TTC4: variants seen among roughly 807,000 people sequenced by gnomAD.
TTC4 encodes the protein tetratricopeptide repeat domain 4, also known as hsp70/Hsp90 co-chaperone CNS1 homolog.
In TTC4, 36 loss-of-function variants were observed where a neutral mutation model predicts 51.9. The ratio of observed to expected loss-of-function variants is 0.69; its 90% CI spans 0.53 to 0.92. The LOEUF (loss-of-function observed/expected upper bound fraction) is 0.92. TTC4 is among the 40% of genes least tolerant of loss of function. The pLI, the probability that TTC4 is intolerant of heterozygous loss-of-function variation, is 0.00. For synonymous variants in TTC4, 144 were observed against 164.2 expected (o/e 0.88, Z 0.94); for missense variants, 399 against 454.6 (o/e 0.88, Z 1.11).
chr1:54,736,966 A>G (rs974082045), intron 8 of TTC4: 2 of 152,310 alleles, frequency 1.3e-5, no homozygotes, highest in African/African-American at 2.4e-5. Flanking sequence ...TGTAAACTCC[A>G]TATTACTTGT....
chr1:54,717,673 T>G lies in TTC4; in HGVS notation c.391+20T>G, dbSNP rs1237380203. 3 of 1,503,912 alleles carry G rather than the reference T, an allele frequency of 2.0e-6. No homozygotes were observed. Among genetic ancestry groups the G allele is most frequent in the Non-Finnish European group, 1.8e-6 (2 of 1,126,238 alleles). The allele number at this position is 1,503,912 out of a possible 1,614,324, so 93.2% of individuals were successfully genotyped here. A position where few individuals can be genotyped will look rare whatever the true frequency, so the allele number is the denominator to read the frequency against. ...ATCTGGGTAATTTATAAGTGCTTTC[T>G]GAAGAATAAACTTATGATACAAGCC... On this transcript the variant is annotated intron_variant, in intron 3 of 9. Coordinates refer to ENST00000371281, the MANE Select transcript of TTC4 (RefSeq NM_004623.5).
In TTC4 at chr1:54,741,413, A is replaced by G; in HGVS notation, c.1064A>G (p.Tyr355Cys). The change falls in exon 10 of 10, where the codon TAC becomes TGC. Residue 355 changes from tyrosine to cysteine, a missense_variant and splice_region_variant. Physicochemically the swap from Tyr to Cys is radical, Grantham distance 194. This residue lies in a region of TTC4 where 64 missense variants were observed against 61.3 expected (regional missense o/e 1.04). Transcript: ENST00000371281. ...TLLQVLQHQR[Y>C]FVKALTPAFL... is the part of the protein sequence containing the mutation. ...CTCTTTTGTTGTGTTCACGGCAGGT[A>G]CTTTGTAAAAGCCCTGACACCAGCA... The G allele has an allele frequency of 6.2e-7, 1 of 1,613,622 alleles. No homozygotes were observed. Among genetic ancestry groups the G allele is most frequent in the Non-Finnish European group, 8.5e-7 (1 of 1,179,492 alleles).
chr1:54,731,606 C>G lies in TTC4; in HGVS notation c.802C>G (p.Leu268Val). The G allele has an allele frequency of 6.2e-7, 1 of 1,614,114 alleles. No homozygotes were observed. The highest frequency in any genetic ancestry group is 1.1e-5 in the South Asian group (1 of 91,072). Residue 268 changes from leucine to valine, a missense_variant, in exon 7 of 10, where the codon CTA becomes GTA. This residue lies in a region of TTC4 where 316 missense variants were observed against 349.6 expected (regional missense o/e 0.90). Coordinates refer to ENST00000371281, the MANE Select transcript of TTC4 (RefSeq NM_004623.5). ...GAACCCCCATGGAGCCAGGCTGAGT[C>G]TAGATGGCCAGGGCAGGCTGAGCTG... Reference protein sequence around the residue: ...TENPHGARLSLDGQGRLSWPV... With the variant: ...TENPHGARLSVDGQGRLSWPV...
In TTC4 at chr1:54,731,609, G is replaced by A; in HGVS notation, c.805G>A (p.Asp269Asn). The A allele has an allele frequency of 6.2e-7, 1 of 1,614,132 alleles. No individual in the cohort carries two copies. Among genetic ancestry groups the A allele is most frequent in the Non-Finnish European group, 8.5e-7 (1 of 1,180,032 alleles). Residue 269 changes from aspartate (D) to asparagine (N), a missense_variant, in exon 7 of 10, where the codon GAT becomes AAT. By Grantham distance (23) the Asp-to-Asn change is conservative (BLOSUM62 1). Around this residue, in one of 3 missense-constraint regions of TTC4, gnomAD observed 316 missense variants for 349.6 expected, o/e 0.90. Transcript: ENST00000371281. ...CCCCCATGGAGCCAGGCTGAGTCTA[G>A]ATGGCCAGGGCAGGCTGAGCTGGCC... Reference protein sequence around the residue: ...ENPHGARLSLDGQGRLSWPVL... With the variant: ...ENPHGARLSLNGQGRLSWPVL...
rs886743999 is a variant in TTC4, at chr1:54,715,883, C to G, written c.-26C>G. ...GCCGCTCGCTTCACGGCGCTGGGACCCGGGCTGGAAGGCAGGGCATCAGCT... is the reference window on the plus strand; with the variant it reads ...GCCGCTCGCTTCACGGCGCTGGGACGCGGGCTGGAAGGCAGGGCATCAGCT... On this transcript the variant is annotated 5_prime_UTR_variant, in exon 1 of 10. Transcript: ENST00000371281. 7.0e-6 allele frequency: 11 copies of G among 1,570,400 alleles called. No individual in the cohort carries two copies. Among genetic ancestry groups the G allele is most frequent in the African/African-American group, 2.7e-5 (2 of 73,606 alleles).
intron 3 of TTC4, among the ~76,000 whole-genome samples, chr1:54,719,513 A>G (rs1363800020): frequency 7.7e-6 from 1 of 129,100 alleles, no homozygotes; most frequent in African/African-American, 3.3e-5. Context: ...GCCTCCTTTA[A>G]CTAAAAGTCC....
chr1:54,740,092 T>G (rs1190463350), intron 9 of TTC4, among the ~76,000 whole-genome samples: 3 of 152,158 alleles, frequency 2.0e-5, no homozygotes, highest in Non-Finnish European at 2.9e-5. Context: ...GGAAGATTGC[T>G]TGAGCCCAGC....
intron 3 of TTC4, among the ~76,000 whole-genome samples, chr1:54,718,080 T>C (rs2101291666): frequency 6.6e-6 from 1 of 152,272 alleles, no homozygotes; most frequent in East Asian, 1.9e-4. Flanking sequence ...GTGGGACCTT[T>C]GAGTTAAAAA....
chr1:54,717,741 G>T, intron 3 of TTC4, 88 bp downstream of exon 3: 1 of 1,246,766 alleles, frequency 8.0e-7, no homozygotes, highest in South Asian at 2.5e-5. Context: ...AGAGGATGAG[G>T]GGCTGTTATC....
Position 54,731,613 on chromosome 1 carries a change from G to A in TTC4, c.809G>A (p.Gly270Asp), listed in dbSNP as rs1645866665. The change falls in exon 7 of 10, where the codon GGC (glycine) becomes GAC (aspartate). Residue 270 changes from glycine to aspartate, a missense_variant. By Grantham distance (94) the Gly-to-Asp change is moderately conservative. This residue lies in a region of TTC4 where 316 missense variants were observed against 349.6 expected (regional missense o/e 0.90). Coordinates refer to ENST00000371281, the MANE Select transcript of TTC4 (RefSeq NM_004623.5). ...NPHGARLSLD[G>D]QGRLSWPVLF... ...CATGGAGCCAGGCTGAGTCTAGATG[G>A]CCAGGGCAGGCTGAGCTGGCCTGTG... 1 of 1,613,960 alleles carries A rather than the reference G, an allele frequency of 6.2e-7. No homozygotes were observed. The highest frequency in any genetic ancestry group is 1.3e-5 in the African/African-American group (1 of 74,910).
chr1:54,719,467 A>T (rs1645717583), intron 3 of TTC4, among the ~76,000 whole-genome samples: 1 of 152,150 alleles, frequency 6.6e-6, no homozygotes, highest in Non-Finnish European at 1.5e-5. Flanking sequence ...TATGGGAGAG[A>T]GAGTGGGGAT....
At chr1:54,734,451 C>A (rs1328886876) in intron 8 of TTC4, among the ~76,000 whole-genome samples, 8 of 152,130 alleles carry the variant, frequency 5.3e-5, no homozygotes, top group Admixed American at 2.0e-4. Context: ...TGCTGTGGTG[C>A]AATCTCAGAT....
intron 1 of TTC4, 34 bp from the exon 2 acceptor site, chr1:54,716,566 C>G: frequency 6.5e-7 from 1 of 1,537,646 alleles, no homozygotes; most frequent in Non-Finnish European, 8.9e-7. Flanking sequence ...AGTAGAAAAG[C>G]TTATTCATGT....
intron 8 of TTC4, among the ~76,000 whole-genome samples, chr1:54,735,749 G>A (rs866566086): frequency 3.3e-5 from 5 of 152,084 alleles, no homozygotes; most frequent in East Asian, 3.9e-4. Context: ...CCCATTGCTC[G>A]TCAGATATTC....
intron 7 of TTC4, among the ~76,000 whole-genome samples, 159 bp downstream of exon 7, chr1:54,731,859 T>TA (rs550967779): frequency 0.12 from 17,879 of 151,866 alleles, 1,751 homozygotes; most frequent in African/African-American, 0.26. Flanking sequence ...TGTAGCTGAC[T>TA]GAACCTTGAC....
At chr1:54,731,762 G>T in intron 7 of TTC4, 62 bp downstream of exon 7, 1 of 1,524,362 alleles carries the variant, frequency 6.6e-7, no homozygotes, top group East Asian at 2.3e-5. Flanking sequence ...TTTGTGGCAG[G>T]AGGGACGAGT....
chr1:54,736,216 GAGAGAGAAGAGGAGAGGAGAGAGA>G (rs1645935714), intron 8 of TTC4, among the ~76,000 whole-genome samples: 2 of 131,302 alleles, frequency 1.5e-5, no homozygotes, highest in Non-Finnish European at 3.1e-5. Context: ...GAGAGAGAGA[GAGAGAGAAGAGGAGAGGAGAGAGA>G]AGAGAGGAGA....
intron 7 of TTC4, among the ~76,000 whole-genome samples, chr1:54,733,329 G>GGAA (rs940211400): frequency 6.6e-6 from 1 of 151,796 alleles, no homozygotes; most frequent in African/African-American, 2.4e-5. Flanking sequence ...CTAAGGTAGA[G>GGAA]GAATTGCTTA....
intron 9 of TTC4, among the ~76,000 whole-genome samples, chr1:54,738,281 C>T (rs1645971348): frequency 6.6e-6 from 1 of 152,006 alleles, no homozygotes; most frequent in Non-Finnish European, 1.5e-5. Flanking sequence ...GACATACCCC[C>T]ATGATTCAGT....
Sources: allele counts gnomAD v4.1 joint callset (sites outside exome capture counted in the v4.1 genomes callset), GRCh38; gene constraint gnomAD v4.1.1; regional missense constraint gnomAD v4.1.1; transcripts MANE v1.5; gene names NCBI Gene and HGNC (gene_info 2026-07-23, HGNC 2026-07-21).